RAB3GAP1: variants seen among roughly 807,000 people sequenced by gnomAD.
RAB3GAP1 encodes the protein RAB3 GTPase activating protein catalytic subunit 1, also known as rab3 GTPase-activating protein catalytic subunit.
RAB3GAP1 carries 86 observed loss-of-function variants against 130.7 expected under a neutral mutation model. That is an observed-to-expected ratio of 0.66 (90% confidence interval 0.55 to 0.79). RAB3GAP1 has a LOEUF of 0.79. Ranked by LOEUF, RAB3GAP1 falls within the 30% of genes least tolerant of loss-of-function variation. RAB3GAP1 has a pLI of 0.00. For synonymous variants in RAB3GAP1, 367 were observed against 401.7 expected, an observed-to-expected ratio of 0.91 and a Z score of 1.03; for missense variants, 1,029 against 1,169.4, an observed-to-expected ratio of 0.88 and a Z score of 1.75.
intron 23 of RAB3GAP1, chr2:135,165,053 CCATCTTTAAA>C: frequency 2.3e-6 from 1 of 428,220 alleles, no homozygotes; most frequent in Non-Finnish European, 4.6e-6. Flanking sequence ...TTCAGTTTTA[CCATCTTTAAA>C]CCCCATGTAG....
chr2:135,120,969 A>G (rs752534783), intron 8 of RAB3GAP1, 51 bp downstream of exon 8: 15 of 1,234,678 alleles, frequency 1.2e-5, no homozygotes, highest in Non-Finnish European at 1.7e-5. Flanking sequence ...ATGGAAAAGA[A>G]GATACATTCA....
intron 3 of RAB3GAP1, among the ~76,000 whole-genome samples, chr2:135,080,332 A>G (rs532314745): frequency 6.6e-6 from 1 of 152,308 alleles, no homozygotes; most frequent in South Asian, 2.1e-4. Context: ...CAATTGGAGT[A>G]ATTCAAATCC....
intron 11 of RAB3GAP1, among the ~76,000 whole-genome samples, chr2:135,127,856 C>T (rs1263778471): frequency 6.6e-6 from 1 of 152,054 alleles, no homozygotes; most frequent in Non-Finnish European, 1.5e-5. Context: ...GTCTGGGATT[C>T]GTCCCCTTCC....
intron 5 of RAB3GAP1, among the ~76,000 whole-genome samples, chr2:135,106,199 G>C (rs189033447): frequency 6.7e-6 from 1 of 149,408 alleles, no homozygotes; most frequent in South Asian, 2.1e-4. Flanking sequence ...TCTGCCCGGC[G>C]GCCCCTTCTG....
At chr2:135,053,465 G>A (rs140195770) in intron 2 of RAB3GAP1, among the ~76,000 whole-genome samples, 121 of 152,288 alleles carry the variant, frequency 7.9e-4, no homozygotes, top group East Asian at 1.7e-3. Flanking sequence ...AGATCGAGAA[G>A]GTTTCTGTTA....
At chr2:135,091,811 T>A (rs1690151450) in intron 4 of RAB3GAP1, among the ~76,000 whole-genome samples, 1 of 152,170 alleles carries the variant, frequency 6.6e-6, no homozygotes, top group South Asian at 2.1e-4. Context: ...GGTCAAATCA[T>A]CCAAAATCTT....
intron 3 of RAB3GAP1, among the ~76,000 whole-genome samples, chr2:135,084,954 G>A (rs957320113): frequency 6.6e-6 from 1 of 152,194 alleles, no homozygotes; most frequent in African/African-American, 2.4e-5. Context: ...GTTGAGTTTT[G>A]AAGAATGAGT....
At chr2:135,072,921 A>C (rs1689519630) in intron 3 of RAB3GAP1, among the ~76,000 whole-genome samples, 1 of 152,164 alleles carries the variant, frequency 6.6e-6, no homozygotes, top group African/African-American at 2.4e-5. Flanking sequence ...CCTTCAAGAG[A>C]TTGCCCAGTT....
chr2:135,052,973 A>G (rs1250378836), intron 2 of RAB3GAP1, among the ~76,000 whole-genome samples: 4 of 152,124 alleles, frequency 2.6e-5, no homozygotes, highest in Admixed American at 2.6e-4. Flanking sequence ...CACCATCTCC[A>G]TGCTGTCTTT....
chr2:135,136,824 A>G (rs755937004), intron 17 of RAB3GAP1: 35 of 596,828 alleles, frequency 5.9e-5, no homozygotes, highest in Non-Finnish European at 8.0e-5. Flanking sequence ...ACCAGGCACA[A>G]TGGCTCAAGC....
intron 2 of RAB3GAP1, among the ~76,000 whole-genome samples, chr2:135,057,530 G>A (rs751138308): frequency 3.9e-5 from 6 of 152,190 alleles, no homozygotes; most frequent in Non-Finnish European, 8.8e-5. Flanking sequence ...GCGTAGCTGG[G>A]ATTACAGATG....
rs1316097573 is a variant in RAB3GAP1 at position 135,169,429 on chromosome 2, A to G, written c.*648A>G. On this transcript the variant is annotated 3_prime_UTR_variant, in exon 24 of 24. Coordinates refer to ENST00000264158, the MANE Select transcript of RAB3GAP1 (RefSeq NM_012233.3). ...TGTATTACTTCTGATAAAACTATAT[A>G]TCAAATGTCACTGCAAATTAGTTTT... 5.5e-6 allele frequency: 1 copy of G among 183,082 alleles called. No homozygotes were observed. Among genetic ancestry groups the G allele is most frequent in the African/African-American group, 2.4e-5 (1 of 41,808 alleles). The allele number at this position is 183,082 out of a possible 1,614,324, so 11.3% of individuals were successfully genotyped here.
Position 135,133,864 on chromosome 2 carries a change from CT to C in RAB3GAP1, c.1331del (p.Leu444ProfsTer13). ...GTTTCTATTTTGTTAAATTTAGAAT[CT>C]CTACAATCAGTTCAAGTCTGCACCA... ...NPPSESEDYN[L>X]YNQFKSAPSD... On this transcript the variant is annotated frameshift_variant, in exon 15 of 24. Transcript: ENST00000264158. LOFTEE classifies it high-confidence loss of function. 1 of 1,613,102 alleles carries C rather than the reference CT, an allele frequency of 6.2e-7. No homozygotes were observed. Among genetic ancestry groups the C allele is most frequent in the Non-Finnish European group, 8.5e-7 (1 of 1,179,222 alleles).
intron 3 of RAB3GAP1, chr2:135,089,756 TA>T (rs1690090373): frequency 1.4e-5 from 4 of 280,942 alleles, no homozygotes; most frequent in East Asian, 1.3e-4. Context: ...TATGCAGCCA[TA>T]AAAAAGGATG....
intron 3 of RAB3GAP1, among the ~76,000 whole-genome samples, chr2:135,078,868 T>C (rs1312063132): frequency 6.6e-6 from 1 of 151,690 alleles, no homozygotes; most frequent in Non-Finnish European, 1.5e-5. Context: ...TTTGTAGAAA[T>C]GTGGTTTCTC....
At chr2:135,164,191 A>G (rs369145894) in intron 22 of RAB3GAP1, among the ~76,000 whole-genome samples, 1 of 152,238 alleles carries the variant, frequency 6.6e-6, no homozygotes, top group Non-Finnish European at 1.5e-5. Flanking sequence ...ACACAGACAC[A>G]TACCCCTTAA....
At position 135,163,070 on chromosome 2, in the gene RAB3GAP1, G is replaced by C; in HGVS notation, c.2575G>C (p.Glu859Gln). Residue 859 changes from glutamate (E) to glutamine (Q), a missense_variant, in exon 22 of 24, where the codon GAA (glutamate) becomes CAA (glutamine). Physicochemically the swap from Glu to Gln is conservative, Grantham distance 29. This residue lies in a region of RAB3GAP1 where 373 missense variants were observed against 493.6 expected (regional missense o/e 0.76). Coordinates refer to ENST00000264158, the MANE Select transcript of RAB3GAP1 (RefSeq NM_012233.3). ...AGCCAAGTTTGGAACTGAGAAATGT[G>C]AACAGGAGGAGGAAAAGGAAGATCT... is the stretch of plus-strand genomic sequence containing the variant. ...LKAKFGTEKCEQEEEKEDLER... is the reference protein window; with the variant it reads ...LKAKFGTEKCQQEEEKEDLER... 1 of 1,613,658 alleles carries C rather than the reference G, an allele frequency of 6.2e-7. No individual in the cohort carries two copies. The highest frequency in any genetic ancestry group is 8.5e-7 in the Non-Finnish European group (1 of 1,179,576).
At chr2:135,105,573 G>A (rs11899326) in intron 5 of RAB3GAP1, among the ~76,000 whole-genome samples, 46,923 of 150,946 alleles carry the variant, frequency 0.31, 10,985 homozygotes, top group African/African-American at 0.64. Flanking sequence ...GCGTGATCTC[G>A]GCTCGCTACA....
At chr2:135,094,745 G>T (rs921597135) in intron 5 of RAB3GAP1, among the ~76,000 whole-genome samples, 1 of 152,058 alleles carries the variant, frequency 6.6e-6, no homozygotes. Flanking sequence ...TCTTATCTCC[G>T]TGAGTTCAGT....
Sources: allele counts gnomAD v4.1 joint callset (sites outside exome capture counted in the v4.1 genomes callset), GRCh38; gene constraint gnomAD v4.1.1; regional missense constraint gnomAD v4.1.1; transcripts MANE v1.5; gene names NCBI Gene and HGNC (gene_info 2026-07-23, HGNC 2026-07-21).